DLG2: variants seen among roughly 807,000 people sequenced by gnomAD.
DLG2 encodes the protein disks large homolog 2.
In DLG2, 45 loss-of-function variants were observed where a neutral mutation model predicts 132.5. The ratio of observed to expected loss-of-function variants is 0.34; its 90% CI spans 0.27 to 0.44. The LOEUF is 0.44. Ranked by LOEUF, DLG2 falls within the 20% of genes least tolerant of loss-of-function variation. The pLI, the probability that DLG2 is intolerant of heterozygous loss-of-function variation, is 1.00. For synonymous variants in DLG2, 424 were observed against 419.6 expected (o/e 1.01, Z -0.13); for missense variants, 1,045 against 1,196.9 (o/e 0.87, Z 1.87).
At chr11:84,127,619 C>A (rs1407972431) in intron 9 of DLG2, among the ~76,000 whole-genome samples, 2 of 152,096 alleles carry the variant, frequency 1.3e-5, no homozygotes, top group Non-Finnish European at 2.9e-5. Flanking sequence ...TTTTTCTGTA[C>A]AGACAAGGTC....
At chr11:84,133,044 G>C (rs947302927) in intron 9 of DLG2, among the ~76,000 whole-genome samples, 1 of 152,024 alleles carries the variant, frequency 6.6e-6, no homozygotes, top group Admixed American at 6.6e-5. Flanking sequence ...AAAAGTCATT[G>C]TAAATGTATT....
chr11:84,987,205 G>T (rs904279837), intron 6 of DLG2, among the ~76,000 whole-genome samples: 1 of 152,052 alleles, frequency 6.6e-6, no homozygotes, highest in Non-Finnish European at 1.5e-5. Flanking sequence ...ACCTAACCAA[G>T]GAGGTGAAAG....
At chr11:84,054,689 G>T (rs1251040144) in intron 11 of DLG2, among the ~76,000 whole-genome samples, 1 of 151,964 alleles carries the variant, frequency 6.6e-6, no homozygotes, top group African/African-American at 2.4e-5. Flanking sequence ...TACATCAAAG[G>T]TTATCTCAAA....
At chr11:85,310,129 C>T (rs1032482218) in intron 3 of DLG2, among the ~76,000 whole-genome samples, 4 of 152,162 alleles carry the variant, frequency 2.6e-5, no homozygotes, top group African/African-American at 9.6e-5. Context: ...ATGAAAGGTA[C>T]TGATTCCTGG....
chr11:83,614,447 G>A (rs1316538042), intron 19 of DLG2, among the ~76,000 whole-genome samples: 2 of 152,162 alleles, frequency 1.3e-5, no homozygotes, highest in Non-Finnish European at 2.9e-5. Flanking sequence ...AGCTGGGAGC[G>A]ATAGATCATG....
At chr11:83,917,037 G>C (rs1050814500) in intron 15 of DLG2, among the ~76,000 whole-genome samples, 2 of 152,006 alleles carry the variant, frequency 1.3e-5, no homozygotes, top group African/African-American at 4.8e-5. Context: ...TAATACTAAG[G>C]GTCCTGAGGA....
chr11:84,026,736 C>CA (rs1275700408), intron 11 of DLG2, among the ~76,000 whole-genome samples: 2 of 151,966 alleles, frequency 1.3e-5, no homozygotes, highest in African/African-American at 4.8e-5. Context: ...GAAATTTAAC[C>CA]AAAAATAATC....
Position 85,478,420 on chromosome 11 carries a change from T to C in DLG2, c.40+120237A>G, listed in dbSNP as rs180824209. Among the ~76,000 whole-genome samples the C allele has an allele frequency of 1.5e-4, 23 of 152,308 alleles. 1 individual carries two copies. Among genetic ancestry groups the C allele is most frequent in the African/African-American group, 4.3e-4 (18 of 41,580 alleles). On this transcript the variant is annotated intron_variant, in intron 3 of 27. Transcript: ENST00000376104. ...TCAGATGACAATCTTTATAGGACTG[T>C]CTTGTGCCAACACACAGTATATTTA...
chr11:84,385,744 A>G (rs1239348851), intron 7 of DLG2, among the ~76,000 whole-genome samples: 1 of 152,144 alleles, frequency 6.6e-6, no homozygotes, highest in Non-Finnish European at 1.5e-5. Flanking sequence ...AAGATTGTAT[A>G]TACCTTGAGT....
intron 14 of DLG2, among the ~76,000 whole-genome samples, chr11:83,934,891 T>A (rs1399697781): frequency 6.6e-6 from 1 of 151,986 alleles, no homozygotes; most frequent in Admixed American, 6.5e-5. Flanking sequence ...AAATGAAAAG[T>A]GATCAGTACC....
chr11:83,998,319 A>T (rs942854448), intron 11 of DLG2, among the ~76,000 whole-genome samples: 1 of 152,160 alleles, frequency 6.6e-6, no homozygotes, highest in African/African-American at 2.4e-5. Flanking sequence ...AAATACATCA[A>T]ATCAGGAGCA....
At chr11:84,048,656 T>A (rs1228194085) in intron 11 of DLG2, among the ~76,000 whole-genome samples, 2 of 151,864 alleles carry the variant, frequency 1.3e-5, no homozygotes, top group African/African-American at 4.8e-5. Context: ...GGTCCCCTGA[T>A]ACAGTAAACG....
intron 15 of DLG2, among the ~76,000 whole-genome samples, chr11:83,901,426 A>G (rs1446556536): frequency 6.6e-6 from 1 of 152,158 alleles, no homozygotes; most frequent in African/African-American, 2.4e-5. Context: ...GGAGGGTCCC[A>G]GTGGAAGAGA....
chr11:85,199,473 G>T (rs1423091036), intron 4 of DLG2, among the ~76,000 whole-genome samples: 1 of 152,152 alleles, frequency 6.6e-6, no homozygotes, highest in Admixed American at 6.5e-5. Flanking sequence ...AATTATATGC[G>T]AGAATCAAAG....
At chr11:85,234,389 A>G (rs2075467336) in intron 4 of DLG2, among the ~76,000 whole-genome samples, 1 of 151,972 alleles carries the variant, frequency 6.6e-6, no homozygotes, top group African/African-American at 2.4e-5. Flanking sequence ...GCGTGCACAG[A>G]AAGAGTGTTT....
chr11:85,134,516 G>A (rs1262275745), intron 5 of DLG2, among the ~76,000 whole-genome samples: 5 of 110,872 alleles, frequency 4.5e-5, no homozygotes, highest in Admixed American at 1.3e-4. Context: ...GCAACAGAGC[G>A]AGACTCCGTC....
intron 6 of DLG2, among the ~76,000 whole-genome samples, chr11:84,571,737 G>A (rs577727483): frequency 7.2e-5 from 11 of 152,226 alleles, no homozygotes; most frequent in Non-Finnish European, 1.5e-4. Flanking sequence ...ACAACAGAGT[G>A]AGTGGTGTGG....
At chr11:83,893,569 G>C (rs1256011497) in intron 15 of DLG2, among the ~76,000 whole-genome samples, 2 of 152,248 alleles carry the variant, frequency 1.3e-5, no homozygotes, top group Non-Finnish European at 2.9e-5. Flanking sequence ...CTAGCTAAAG[G>C]TGTTCCATTC....
intron 10 of DLG2, among the ~76,000 whole-genome samples, chr11:84,077,357 C>G (rs1204131032): frequency 6.6e-6 from 1 of 152,180 alleles, no homozygotes; most frequent in Admixed American, 6.5e-5. Flanking sequence ...CTAATGAGAT[C>G]TCGTTAGTTC....
Sources: allele counts gnomAD v4.1 joint callset (sites outside exome capture counted in the v4.1 genomes callset), GRCh38; gene constraint gnomAD v4.1.1; transcripts MANE v1.5; gene names NCBI Gene and HGNC (gene_info 2026-07-23, HGNC 2026-07-21).